The following SH3RF2 variants were observed in gnomAD, a reference collection of about 807,000 sequenced individuals.
The protein encoded by SH3RF2 is SH3 domain containing ring finger 2, also known as E3 ubiquitin-protein ligase SH3RF2.
SH3RF2 carries 43 observed loss-of-function variants against 59.0 expected under a neutral mutation model. The ratio of observed to expected loss-of-function variants is 0.73; its 90% CI spans 0.57 to 0.94. The LOEUF (loss-of-function observed/expected upper bound fraction) is 0.94, where lower values mean the gene tolerates loss of function less well. Ranked by LOEUF, SH3RF2 falls within the 40% of genes least tolerant of loss-of-function variation. SH3RF2 has a pLI of 0.00. For missense variants in SH3RF2, 930 were observed against 940.1 expected, an observed-to-expected ratio of 0.99 and a Z score of 0.14; for synonymous variants, 391 against 391.5, an observed-to-expected ratio of 1.00 and a Z score of 0.01.
At chr5:146,069,929 G>A (rs921750194) in intron 9 of SH3RF2, among the ~76,000 whole-genome samples, 1 of 146,664 alleles carries the variant, frequency 6.8e-6, no homozygotes, top group Non-Finnish European at 1.5e-5. Context: ...GACTCAGAAT[G>A]TTTCAATTCC....
chr5:146,076,340 T>A (rs1285984226), intron 9 of SH3RF2, among the ~76,000 whole-genome samples: 3 of 152,052 alleles, frequency 2.0e-5, no homozygotes, highest in Admixed American at 1.3e-4. Context: ...ATTGTGATAT[T>A]AACAGGTTGA....
In SH3RF2 at chr5:146,023,066, TA is replaced by T. The variant is rs1761389731; in HGVS notation, c.1059+9006del. 2.6e-5 allele frequency among the ~76,000 whole-genome samples: 4 copies of T among 152,000 alleles called. No individual in the cohort carries two copies. In the South Asian group the frequency reaches 8.3e-4, roughly 32 times the overall value. ...GGCTCTTAAATTTCTTTATTCTACA[TA>T]TCCCTCCTTCTCCCTTAACCATCTA... On this transcript the variant is annotated intron_variant, in intron 5 of 9. Transcript: ENST00000359120.
chr5:145,981,401 T>C (rs2149969355), intron 2 of SH3RF2, among the ~76,000 whole-genome samples: 1 of 152,164 alleles, frequency 6.6e-6, no homozygotes, highest in Non-Finnish European at 1.5e-5. Context: ...ACCCAGACAG[T>C]CTCATAATTT....
intron 2 of SH3RF2, among the ~76,000 whole-genome samples, chr5:145,989,555 C>T (rs997575543): frequency 6.6e-6 from 1 of 152,226 alleles, no homozygotes; most frequent in African/African-American, 2.4e-5. Flanking sequence ...GGAAATGATA[C>T]ATAACTTGAG....
At chr5:145,984,296 A>G (rs7448829) in intron 2 of SH3RF2, among the ~76,000 whole-genome samples, 19,408 of 152,188 alleles carry the variant, frequency 0.13, 1,393 homozygotes, top group East Asian at 0.26. Flanking sequence ...CAGTTGCAAC[A>G]CAGGGTGATG....
intron 3 of SH3RF2, 28 bp downstream of exon 3, chr5:146,000,355 A>T: frequency 6.2e-7 from 1 of 1,605,604 alleles, no homozygotes; most frequent in African/African-American, 1.3e-5. Flanking sequence ...CACCAGAGTC[A>T]CCTGGGACCA....
At chr5:146,046,269 TG>T (rs1409426016) in intron 5 of SH3RF2, among the ~76,000 whole-genome samples, 1 of 152,222 alleles carries the variant, frequency 6.6e-6, no homozygotes. Context: ...AGATTTGCAA[TG>T]GACCAATGCC....
downstream of SH3RF2, among the ~76,000 whole-genome samples, chr5:146,064,807 G>GGAAGGAAA (rs1763049596): frequency 2.2e-4 from 4 of 18,340 alleles, no homozygotes; most frequent in African/African-American, 6.7e-4. Context: ...AAGGAAGGAA[G>GGAAGGAAA]GAAAGAAAGA....
At chr5:145,997,402 C>T in intron 2 of SH3RF2, 2 of 1,267,302 alleles carry the variant, frequency 1.6e-6, no homozygotes, top group East Asian at 2.3e-5. Context: ...GGCTTTGCTT[C>T]CATCTACACT....
At chr5:146,005,871 A>AG (rs1554114910) in intron 4 of SH3RF2, among the ~76,000 whole-genome samples, 1,764 of 151,144 alleles carry the variant, frequency 0.012, 40 homozygotes, top group African/African-American at 0.041. Context: ...AAAAAAAAAA[A>AG]GCTTAGCAAG....
At chr5:145,945,710 G>C (rs1757983645) in intron 2 of SH3RF2, among the ~76,000 whole-genome samples, 1 of 152,124 alleles carries the variant, frequency 6.6e-6, no homozygotes, top group Non-Finnish European at 1.5e-5. Context: ...AGAGTGACTA[G>C]ATACTTGCCT....
chr5:145,938,401 A>G, intron 2 of SH3RF2, 95 bp downstream of exon 2: 2 of 1,395,358 alleles, frequency 1.4e-6, no homozygotes, highest in Non-Finnish European at 1.9e-6. Context: ...GTTACATTCC[A>G]GAGTGCTGCT....
chr5:145,985,596 C>T (rs1198873064), intron 2 of SH3RF2, among the ~76,000 whole-genome samples: 2 of 152,194 alleles, frequency 1.3e-5, no homozygotes, highest in Non-Finnish European at 2.9e-5. Flanking sequence ...TAATGAACTG[C>T]CTTCTACCCA....
chr5:146,067,175 T>A (rs1195917937), downstream of SH3RF2, among the ~76,000 whole-genome samples: 2 of 152,076 alleles, frequency 1.3e-5, no homozygotes, highest in African/African-American at 4.8e-5. Context: ...CGCCCCTACC[T>A]GTGTCTTGAT....
intron 9 of SH3RF2, among the ~76,000 whole-genome samples, chr5:146,078,210 G>T (rs2150030550): frequency 6.6e-6 from 1 of 152,290 alleles, no homozygotes; most frequent in South Asian, 2.1e-4. Flanking sequence ...ATACTTATTA[G>T]TCACTGAAGG....
chr5:145,953,669 AG>A (rs887981343), intron 2 of SH3RF2, among the ~76,000 whole-genome samples: 22 of 152,188 alleles, frequency 1.4e-4, no homozygotes, highest in Admixed American at 2.0e-4. Flanking sequence ...AATTAAGCCT[AG>A]TACCCAAAAG....
At chr5:145,950,301 C>T (rs560893473) in intron 2 of SH3RF2, among the ~76,000 whole-genome samples, 19 of 152,278 alleles carry the variant, frequency 1.2e-4, no homozygotes, top group Admixed American at 3.9e-4. Flanking sequence ...TGACAAAGAC[C>T]GGTATGTTGT....
intron 5 of SH3RF2, among the ~76,000 whole-genome samples, chr5:146,045,300 G>C (rs1474225434): frequency 6.6e-6 from 1 of 152,176 alleles, no homozygotes; most frequent in Non-Finnish European, 1.5e-5. Flanking sequence ...ATTGTGGAAT[G>C]GTTTCATTCT....
chr5:145,995,458 C>G (rs969934938), intron 2 of SH3RF2, among the ~76,000 whole-genome samples: 2 of 152,152 alleles, frequency 1.3e-5, no homozygotes, highest in Non-Finnish European at 2.9e-5. Flanking sequence ...CCATTCTCAT[C>G]CAGCTTTTAC....
Sources: gnomAD v4.1 joint callset for allele counts (sites outside exome capture counted in the v4.1 genomes callset) on GRCh38, gnomAD v4.1.1 for gene constraint, MANE v1.5 for transcripts, NCBI Gene and HGNC (gene_info 2026-07-23, HGNC 2026-07-21) for gene names.